UPRT: variants seen among roughly 807,000 people sequenced by gnomAD.
UPRT encodes RP11-311P8.3.
In UPRT, 5 loss-of-function variants were observed where a neutral mutation model predicts 22.6. The observed-to-expected ratio is 0.22, with a 90% CI of 0.12 to 0.47. UPRT has a LOEUF of 0.47. Among genes scored for constraint, UPRT ranks in the 20% least tolerant of loss-of-function variants. UPRT has a pLI of 0.99. For synonymous variants in UPRT, 77 were observed against 87.7 expected (o/e 0.88, Z 0.68); for missense variants, 181 against 239.9 (o/e 0.75, Z 1.62).
intron 1 of UPRT, among the ~76,000 whole-genome samples, chrX:75,284,706 G>C (rs185032758): frequency 1.1e-3 from 128 of 111,723 alleles, no homozygotes; most frequent in African/African-American, 4.0e-3. Context: ...GGTGGCAGGG[G>C]GGGGTGCAGT....
intron 4 of UPRT, among the ~76,000 whole-genome samples, chrX:75,217,286 G>A (rs912164950): frequency 3.6e-5 from 4 of 111,104 alleles, no homozygotes; most frequent in African/African-American, 9.8e-5. Flanking sequence ...TTGGCGATGC[G>A]GGCTCTTTTT....
chrX:75,213,513 C>T (rs2082385014), intron 4 of UPRT, among the ~76,000 whole-genome samples: 1 of 111,790 alleles, frequency 8.9e-6, no homozygotes, highest in African/African-American at 3.3e-5. Context: ...GGTCTAAATA[C>T]ACCAATTAAA....
chrX:75,248,706 G>A, intron 4 of UPRT, among the ~76,000 whole-genome samples: 1 of 111,218 alleles, frequency 9.0e-6, no homozygotes, highest in Non-Finnish European at 1.9e-5. Flanking sequence ...GAAATACAGG[G>A]AACACCACAA....
intron 4 of UPRT, among the ~76,000 whole-genome samples, chrX:75,238,551 C>T (rs1423649916): frequency 9.0e-6 from 1 of 111,575 alleles, no homozygotes; most frequent in Non-Finnish European, 1.9e-5. Context: ...CTACTGACAG[C>T]ACTAGACAGG....
chrX:75,259,694 A>C (rs1398477766), intron 4 of UPRT, among the ~76,000 whole-genome samples: 1 of 111,234 alleles, frequency 9.0e-6, no homozygotes, highest in Non-Finnish European at 1.9e-5. Context: ...GCAGGATATT[A>C]TCCAGGAGAA....
Position 75,282,544 on chromosome X carries a change from A to G in UPRT, c.386+7904A>G, listed in dbSNP as rs187230594. Among the ~76,000 whole-genome samples, 418 of 111,710 alleles carry G rather than the reference A, an allele frequency of 3.7e-3. 3 individuals carry two copies. The highest frequency in any genetic ancestry group is 0.013 in the African/African-American group (397 of 30,748). ...TTTGTTTTTGACCCAGTGATCATTC[A>G]GGAACAGGTTATTTAATTTCATGTA... On this transcript the variant is annotated intron_variant, in intron 1 of 6. Transcript: ENST00000373383.
chrX:75,220,869 T>C (rs59441595), intron 4 of UPRT, among the ~76,000 whole-genome samples: 1,256 of 111,706 alleles, frequency 0.011, 21 homozygotes, highest in African/African-American at 0.039. Context: ...ACAAATACAA[T>C]GTTATATTAT....
chrX:75,233,125 A>T (rs1397381649), intron 4 of UPRT, among the ~76,000 whole-genome samples: 2 of 111,906 alleles, frequency 1.8e-5, no homozygotes, highest in Non-Finnish European at 3.8e-5. Flanking sequence ...AGGCTGGACA[A>T]CTACGTGAAG....
intron 4 of UPRT, among the ~76,000 whole-genome samples, chrX:75,214,696 G>A (rs1421463062): frequency 1.8e-5 from 2 of 111,804 alleles, no homozygotes; most frequent in Non-Finnish European, 3.8e-5. Context: ...GATCACTTGA[G>A]TCCAGCAGTT....
intron 4 of UPRT, among the ~76,000 whole-genome samples, chrX:75,211,203 G>A (rs2082379548): frequency 9.0e-6 from 1 of 111,185 alleles, no homozygotes; most frequent in African/African-American, 3.3e-5. Flanking sequence ...CCAGAGGGGA[G>A]TGAATACTCC....
chrX:75,265,500 G>A (rs926643411), intron 4 of UPRT, among the ~76,000 whole-genome samples: 9 of 112,103 alleles, frequency 8.0e-5, no homozygotes, highest in African/African-American at 1.6e-4. Flanking sequence ...CCTTTGTCAC[G>A]TAGTTCTTGT....
chrX:75,258,825 G>A (rs1190447936), intron 4 of UPRT, among the ~76,000 whole-genome samples: 1 of 112,035 alleles, frequency 8.9e-6, no homozygotes, highest in Non-Finnish European at 1.9e-5. Flanking sequence ...TCCTGACTGG[G>A]AGACGCATCC....
At chrX:75,195,051 G>A (rs1351230627) in intron 4 of UPRT, among the ~76,000 whole-genome samples, 1 of 111,056 alleles carries the variant, frequency 9.0e-6, no homozygotes, top group African/African-American at 3.3e-5. Flanking sequence ...TGAAGGAGGG[G>A]GAAAGTTTCA....
chrX:75,225,843 C>T (rs1447713882), intron 4 of UPRT, among the ~76,000 whole-genome samples: 2 of 111,031 alleles, frequency 1.8e-5, no homozygotes, highest in African/African-American at 6.6e-5. Flanking sequence ...ATAAACTATA[C>T]GCTGATTTCT....
chrX:75,251,992 G>A (rs1286073082), intron 4 of UPRT, among the ~76,000 whole-genome samples: 1 of 112,085 alleles, frequency 8.9e-6, no homozygotes, highest in Non-Finnish European at 1.9e-5. Context: ...ATGGTGCTGG[G>A]AAAACTGGCT....
intron 4 of UPRT, among the ~76,000 whole-genome samples, chrX:75,234,903 A>T (rs1351111937): frequency 9.0e-6 from 1 of 111,691 alleles, no homozygotes; most frequent in African/African-American, 3.3e-5. Context: ...AAACACATTC[A>T]AAAGCTAGCA....
intron 4 of UPRT, among the ~76,000 whole-genome samples, chrX:75,251,706 A>G (rs1046986463): frequency 3.6e-5 from 4 of 111,566 alleles, no homozygotes; most frequent in African/African-American, 6.5e-5. Flanking sequence ...GAATTGGAAA[A>G]TCTACTTTAA....
intron 4 of UPRT, among the ~76,000 whole-genome samples, chrX:75,257,802 G>T (rs2082553950): frequency 9.0e-6 from 1 of 111,133 alleles, no homozygotes; most frequent in African/African-American, 3.3e-5. Context: ...CTTGCAAGAT[G>T]GCCAAATAGG....
At chrX:75,301,287 A>G (rs1982059849) in intron 6 of UPRT, among the ~76,000 whole-genome samples, 1 of 111,885 alleles carries the variant, frequency 8.9e-6, no homozygotes, top group African/African-American at 3.2e-5. Flanking sequence ...ACTGCTCACA[A>G]ACAGCAAGAA....
Sources: allele counts gnomAD v4.1 joint callset (sites outside exome capture counted in the v4.1 genomes callset), GRCh38; gene constraint gnomAD v4.1.1; transcripts MANE v1.5; gene names NCBI Gene and HGNC (gene_info 2026-07-23, HGNC 2026-07-21).